Variants in MS4A12 observed in about 807,000 individuals in gnomAD.
The protein encoded by MS4A12 is membrane spanning 4-domains A12.
A neutral mutation model predicts 23.7 loss-of-function variants in MS4A12; 28 were observed. The observed-to-expected ratio is 1.18, with a 90% CI of 0.88 to 1.62. The LOEUF is 1.62. Among genes scored for constraint, MS4A12 ranks in the 40% most tolerant of loss-of-function variants. The pLI is 0.00. For synonymous variants in MS4A12, 108 were observed against 110.1 expected (o/e 0.98, Z 0.12); for missense variants, 342 against 327.0 (o/e 1.05, Z -0.35).
At chr11:60,496,300 G>A (rs1008408395) in intron 1 of MS4A12, among the ~76,000 whole-genome samples, 1 of 152,074 alleles carries the variant, frequency 6.6e-6, no homozygotes. Context: ...CAAGAAAATT[G>A]TTGTGCTTTT....
intron 2 of MS4A12, among the ~76,000 whole-genome samples, chr11:60,499,682 G>A (rs531206166): frequency 5.3e-5 from 8 of 152,166 alleles, no homozygotes; most frequent in African/African-American, 1.7e-4. Context: ...ATTTTAATTC[G>A]ATTTACTTGT....
Position 60,497,540 on chromosome 11 carries a change from T to C in MS4A12, c.222T>C (p.Asn74=). The C allele has an allele frequency of 6.2e-7, 1 of 1,614,002 alleles. No homozygotes were observed. The highest frequency in any genetic ancestry group is 8.5e-7 in the Non-Finnish European group (1 of 1,179,938). ...QPGQGNIQMI[N]PSVGTAVMNF... ...GTCAAGGAAATATACAAATGATAAA[T>C]CCAAGTGTGGGAACAGCAGTAATGA... Residue 74 remains asparagine, a synonymous_variant, in exon 2 of 7, where the codon AAT becomes AAC. Coordinates refer to ENST00000016913, the MANE Select transcript of MS4A12 (RefSeq NM_017716.3).
chr11:60,504,978 G>A (rs2086559564), intron 5 of MS4A12, among the ~76,000 whole-genome samples: 1 of 152,132 alleles, frequency 6.6e-6, no homozygotes, highest in South Asian at 2.1e-4. Context: ...GAGAGTTTTA[G>A]GCCGGGAATT....
At chr11:60,497,927 G>T (rs545657064) in intron 2 of MS4A12, 133 of 207,764 alleles carry the variant, frequency 6.4e-4, no homozygotes, top group Non-Finnish European at 8.3e-4. Flanking sequence ...TACAAGTCTG[G>T]TTTTTGCATA....
chr11:60,503,855 T>C, intron 5 of MS4A12, 38 bp downstream of exon 5: 1 of 1,543,366 alleles, frequency 6.5e-7, no homozygotes, highest in African/African-American at 1.4e-5. Context: ...CTGCTCTATT[T>C]TCAGTCCCGT....
At position 60,496,264 on chromosome 11, in the gene MS4A12, TCTAA is replaced by T. The variant is rs536178990; in HGVS notation, c.-6-1046_-6-1043del. Among the ~76,000 whole-genome samples, 56 of 152,346 alleles carry T rather than the reference TCTAA, an allele frequency of 3.7e-4. 1 individual carries two copies. The highest frequency in any genetic ancestry group is 1.3e-3 in the African/African-American group (54 of 41,580). ...ATACCAAGAATGAGACATTCATCAC[TCTAA>T]CTTTCTTGATATTCATAAGCACAAG... On this transcript the variant is annotated intron_variant, in intron 1 of 6. Transcript: ENST00000016913.
At chr11:60,502,514 A>G (rs921581349) in intron 4 of MS4A12, among the ~76,000 whole-genome samples, 8 of 152,208 alleles carry the variant, frequency 5.3e-5, no homozygotes, top group Non-Finnish European at 1.0e-4. Context: ...TTAAATTGCC[A>G]TTAAATGAGT....
chr11:60,499,094 T>C (rs776682349), intron 2 of MS4A12, among the ~76,000 whole-genome samples: 2 of 151,916 alleles, frequency 1.3e-5, no homozygotes, highest in Non-Finnish European at 2.9e-5. Context: ...AATGTGAAGT[T>C]TTGTTTTCAA....
chr11:60,499,278 G>T (rs1296698311), intron 2 of MS4A12, among the ~76,000 whole-genome samples: 2 of 152,156 alleles, frequency 1.3e-5, no homozygotes, highest in African/African-American at 4.8e-5. Context: ...CAGACAAATT[G>T]TATGTCCAAA....
At chr11:60,493,927 A>G (rs2086468742) in intron 1 of MS4A12, among the ~76,000 whole-genome samples, 2 of 152,164 alleles carry the variant, frequency 1.3e-5, no homozygotes, top group African/African-American at 4.8e-5. Context: ...CAGAGCTCCA[A>G]TATTTTTATG....
chr11:60,497,333 G>C lies in MS4A12; in HGVS notation c.15G>C (p.Lys5Asn). ...CTTAGGACATAATGATGTCATCCAA[G>C]CCAACAAGCCATGCTGAAGTAAATG... MMSS[K>N]PTSHAEVNET... is the part of the protein sequence containing the mutation. Residue 5 changes from lysine (K) to asparagine (N), a missense_variant, in exon 2 of 7, where the codon AAG (lysine) becomes AAC (asparagine). By Grantham distance (94) the Lys-to-Asn change is moderately conservative (BLOSUM62 0). Coordinates refer to ENST00000016913, the MANE Select transcript of MS4A12 (RefSeq NM_017716.3). 6.2e-7 allele frequency: 1 copy of C among 1,613,208 alleles called. No individual in the cohort carries two copies. The highest frequency in any genetic ancestry group is 1.1e-5 in the South Asian group (1 of 90,930).
At chr11:60,498,054 C>G (rs902228294) in intron 2 of MS4A12, 1 of 162,364 alleles carries the variant, frequency 6.2e-6, no homozygotes, top group African/African-American at 2.4e-5. Flanking sequence ...ATCTGCTATG[C>G]CTCTTTCACC....
intron 1 of MS4A12, among the ~76,000 whole-genome samples, chr11:60,496,388 ATTG>A (rs2086487738): frequency 6.6e-6 from 1 of 152,224 alleles, no homozygotes; most frequent in African/African-American, 2.4e-5. Flanking sequence ...ATTAATAGTC[ATTG>A]TTGTCCATAT....
In MS4A12 at chr11:60,493,376, TA is replaced by T. The variant is rs59628484; in HGVS notation, c.-7+567del. 7.8e-3 allele frequency among the ~76,000 whole-genome samples: 1,053 copies of T among 135,054 alleles called. 13 individuals are homozygous for T. Among genetic ancestry groups the T allele is most frequent in the African/African-American group, 0.024 (865 of 36,386 alleles). 88.6% of individuals were successfully genotyped at this position (135,054 alleles called of 152,430 possible). ...GGGTGACAAGAGTGAAACTCCATCT[TA>T]AAAAAAAAAAAAAAAAAAGCTAATG... On this transcript the variant is annotated intron_variant, in intron 1 of 6. Transcript: ENST00000016913.
At chr11:60,501,960 A>G (rs370528607) in intron 3 of MS4A12, 23 bp from the exon 4 acceptor site, 24 of 1,598,196 alleles carry the variant, frequency 1.5e-5, no homozygotes, top group Non-Finnish European at 1.7e-6. Flanking sequence ...CCATTTCACA[A>G]ATAAATTTGT....
At chr11:60,503,045 G>A (rs999594709) in intron 4 of MS4A12, among the ~76,000 whole-genome samples, 2 of 152,158 alleles carry the variant, frequency 1.3e-5, no homozygotes, top group African/African-American at 4.8e-5. Flanking sequence ...GAACTCGACT[G>A]TGCCACCCCT....
intron 4 of MS4A12, among the ~76,000 whole-genome samples, 199 bp downstream of exon 4, chr11:60,502,238 A>G (rs1018616114): frequency 6.6e-6 from 1 of 152,234 alleles, no homozygotes; most frequent in South Asian, 2.1e-4. Flanking sequence ...GCAGAGCTCC[A>G]TATCCTGACT....
intron 1 of MS4A12, among the ~76,000 whole-genome samples, chr11:60,495,121 T>C (rs1288229836): frequency 6.6e-6 from 1 of 151,062 alleles, no homozygotes; most frequent in Non-Finnish European, 1.5e-5. Context: ...GCCTCCCATG[T>C]AGCTGGGACT....
intron 2 of MS4A12, 27 bp downstream of exon 2, chr11:60,497,621 A>C (rs879846285): frequency 1.9e-6 from 3 of 1,609,214 alleles, no homozygotes; most frequent in African/African-American, 1.3e-5. Context: ...CCAGAATTTT[A>C]ATTTCACATT....
Sources: allele counts gnomAD v4.1 joint callset (sites outside exome capture counted in the v4.1 genomes callset), GRCh38; gene constraint gnomAD v4.1.1; transcripts MANE v1.5; gene names NCBI Gene and HGNC (gene_info 2026-07-23, HGNC 2026-07-21).